The following CC2D2B variants were observed in gnomAD, a reference collection of about 807,000 sequenced individuals.
CC2D2B encodes coiled-coil and C2 domain containing 2B.
CC2D2B carries 128 observed loss-of-function variants against 161.2 expected under a neutral mutation model. The observed-to-expected ratio is 0.79, with a 90% CI of 0.69 to 0.92. The LOEUF is 0.92. Among genes scored for constraint, CC2D2B ranks in the 40% least tolerant of loss-of-function variants. The probability of loss-of-function intolerance (pLI) is 0.00; values close to 1 mark genes in which losing one functional copy is unlikely to be tolerated. For missense variants in CC2D2B, 1,173 were observed against 1,375.1 expected (o/e 0.85, Z 2.32); for synonymous variants, 391 against 449.8 (o/e 0.87, Z 1.65).
intron 11 of CC2D2B, 168 bp from the exon 12 acceptor site, chr10:95,961,661 T>C: frequency 2.6e-6 from 1 of 391,692 alleles, no homozygotes; most frequent in Non-Finnish European, 4.5e-6. Context: ...GGAATTGCAG[T>C]GGGTAACATA....
At chr10:95,957,877 A>T (rs1179449540) in intron 11 of CC2D2B, among the ~76,000 whole-genome samples, 2 of 151,610 alleles carry the variant, frequency 1.3e-5, no homozygotes, top group African/African-American at 2.4e-5. Flanking sequence ...TAAAAAAAAA[A>T]AAATAACAAT....
At chr10:96,016,875 G>A (rs889274382) in intron 30 of CC2D2B, among the ~76,000 whole-genome samples, 12 of 151,852 alleles carry the variant, frequency 7.9e-5, no homozygotes, top group African/African-American at 2.2e-4. Flanking sequence ...CACCCACCAC[G>A]CCCGGCTAAT....
In CC2D2B at chr10:96,004,116, A is replaced by C. The variant is rs185465783; in HGVS notation, c.2850-36A>C. ...CTTAGGAAATAAGTGGATTTTGAGA[A>C]AATTAAGCATTTGAATATATTTTTC... On this transcript the variant is annotated intron_variant, in intron 24 of 34. Coordinates refer to ENST00000646931, the MANE Select transcript of CC2D2B (RefSeq NM_001349008.3). 2,557 of 1,227,114 alleles carry C rather than the reference A, an allele frequency of 2.1e-3. 4 individuals carry two copies. Among genetic ancestry groups the C allele is most frequent in the Middle Eastern group, 4.1e-3 (21 of 5,184 alleles). The allele number at this position is 1,227,114 out of a possible 1,614,324, so 76.0% of individuals were successfully genotyped here.
At chr10:95,973,925 C>T (rs1048025497) in intron 16 of CC2D2B, 84 bp from the exon 17 acceptor site, 3 of 649,240 alleles carry the variant, frequency 4.6e-6, no homozygotes, top group Middle Eastern at 4.9e-4. Flanking sequence ...TAGAGTTCCA[C>T]AAGTAAAACT....
chr10:95,995,475 T>C, intron 23 of CC2D2B, 110 bp downstream of exon 23: 2 of 576,578 alleles, frequency 3.5e-6, no homozygotes, highest in East Asian at 6.3e-5. Context: ...TCCAGTTTAT[T>C]TTCCATGACA....
Position 96,032,115 on chromosome 10 carries a change from GCT to G in CC2D2B, c.*108_*109del. 1.2e-6 allele frequency: 1 copy of G among 829,502 alleles called. No homozygotes were observed. Among genetic ancestry groups the G allele is most frequent in the South Asian group, 1.8e-5 (1 of 55,774 alleles). The allele number at this position is 829,502 out of a possible 1,614,324, so 51.4% of individuals were successfully genotyped here. On this transcript the variant is annotated 3_prime_UTR_variant, in exon 35 of 35. Coordinates refer to ENST00000646931, the MANE Select transcript of CC2D2B (RefSeq NM_001349008.3). ...TGTTTATTCTCAAGTCCAGCTAAGT[GCT>G]GGGCCCAATTTTTGATTCACTTACA...
At chr10:95,921,995 C>T (rs1219663590) in intron 2 of CC2D2B, 21 bp from the exon 3 acceptor site, 2 of 1,453,426 alleles carry the variant, frequency 1.4e-6, no homozygotes, top group Non-Finnish European at 1.9e-6. Context: ...GCAAGTTTAA[C>T]CCTCCCTGCT....
intron 9 of CC2D2B, among the ~76,000 whole-genome samples, chr10:95,941,553 T>C (rs944446348): frequency 6.6e-6 from 1 of 152,000 alleles, no homozygotes; most frequent in Non-Finnish European, 1.5e-5. Context: ...AAACCAAAGA[T>C]GCATACAAAT....
chr10:96,025,184 T>TATAAAAA, intron 33 of CC2D2B, among the ~76,000 whole-genome samples: 1 of 20,636 alleles, frequency 4.8e-5, no homozygotes, highest in Admixed American at 7.2e-4. Flanking sequence ...TATATATATA[T>TATAAAAA]AAAAAAAAAT....
At chr10:95,939,124 A>G (rs1272674044) in intron 9 of CC2D2B, among the ~76,000 whole-genome samples, 199 bp downstream of exon 9, 1 of 152,150 alleles carries the variant, frequency 6.6e-6, no homozygotes, top group East Asian at 1.9e-4. Flanking sequence ...TGCTCAAAAT[A>G]AAATCTGAAG....
chr10:96,000,072 C>T (rs1016456889), intron 24 of CC2D2B: 19 of 1,482,110 alleles, frequency 1.3e-5, no homozygotes, highest in African/African-American at 9.9e-5. Context: ...CCAGTTTTGC[C>T]GTGGTAACAC....
chr10:95,951,957 A>G (rs942917144), intron 10 of CC2D2B, among the ~76,000 whole-genome samples: 2 of 152,166 alleles, frequency 1.3e-5, no homozygotes, highest in Non-Finnish European at 2.9e-5. Flanking sequence ...GTAAATTGTG[A>G]AAAGAGAAAT....
At chr10:95,973,883 G>T (rs1043868229) in intron 16 of CC2D2B, 126 bp from the exon 17 acceptor site, 6 of 386,816 alleles carry the variant, frequency 1.6e-5, no homozygotes, top group Non-Finnish European at 2.1e-5. Flanking sequence ...AAAAAAAAGA[G>T]TGGGGTTAGC....
intron 1 of CC2D2B, among the ~76,000 whole-genome samples, chr10:95,910,368 A>G (rs2098503990): frequency 6.6e-6 from 1 of 152,194 alleles, no homozygotes; most frequent in African/African-American, 2.4e-5. Flanking sequence ...TGGCTCTAAC[A>G]TCTGCTTCTG....
At chr10:95,917,652 AAAAC>A (rs139386495) in intron 2 of CC2D2B, among the ~76,000 whole-genome samples, 5,275 of 152,258 alleles carry the variant, frequency 0.035, 120 homozygotes, top group Non-Finnish European at 0.05. Flanking sequence ...TCTTATTGCA[AAAAC>A]AAACAAACAA....
intron 9 of CC2D2B, among the ~76,000 whole-genome samples, chr10:95,944,139 A>G (rs2076115971): frequency 6.6e-6 from 1 of 152,190 alleles, no homozygotes. Flanking sequence ...TCATCACCTC[A>G]GTCACTGTAT....
At chr10:95,928,433 A>C (rs1422139573) in intron 6 of CC2D2B, among the ~76,000 whole-genome samples, 1 of 152,072 alleles carries the variant, frequency 6.6e-6, no homozygotes, top group East Asian at 1.9e-4. Context: ...TTATACTTTA[A>C]GTTCTGGGAT....
chr10:95,990,643 G>T (rs1420620333), intron 20 of CC2D2B, among the ~76,000 whole-genome samples: 1 of 152,120 alleles, frequency 6.6e-6, no homozygotes, highest in Non-Finnish European at 1.5e-5. Context: ...TTCCCTACCC[G>T]CTTCAAGAAG....
At chr10:95,996,079 C>T (rs2078220195) in intron 23 of CC2D2B, 64 bp from the exon 24 acceptor site, 1 of 650,794 alleles carries the variant, frequency 1.5e-6, no homozygotes, top group Admixed American at 3.3e-5. Context: ...ATTTCCTAGG[C>T]CTCTACCTTT....
Sources: allele counts gnomAD v4.1 joint callset (sites outside exome capture counted in the v4.1 genomes callset), GRCh38; gene constraint gnomAD v4.1.1; transcripts MANE v1.5; gene names NCBI Gene and HGNC (gene_info 2026-07-23, HGNC 2026-07-21).